Variants in CSTPP1 observed in about 807,000 individuals in gnomAD.
CSTPP1 encodes centriolar satellite-associated tubulin polyglutamylase complex regulator 1.
At chr11:46,993,663 T>G in the CSTPP1 span, among the ~76,000 whole-genome samples, 1 of 152,220 alleles carries the variant, frequency 6.6e-6, no homozygotes, top group African/African-American at 2.4e-5. Context: ...AGTACCATGC[T>G]GTTTTGGTTA....
At chr11:47,048,578 A>T in the CSTPP1 span, among the ~76,000 whole-genome samples, 1 of 152,134 alleles carries the variant, frequency 6.6e-6, no homozygotes, top group South Asian at 2.1e-4. Context: ...ATAGGCCAGA[A>T]CGACAGATAT....
At chr11:47,161,865 T>A in the CSTPP1 span, 2 of 1,333,058 alleles carry the variant, frequency 1.5e-6, no homozygotes, top group Non-Finnish European at 1.9e-6. Flanking sequence ...GAACTTCACT[T>A]AGGCCCCAAG....
the CSTPP1 span, among the ~76,000 whole-genome samples, chr11:47,059,500 C>G: frequency 2.6e-5 from 4 of 152,104 alleles, no homozygotes; most frequent in African/African-American, 9.6e-5. Flanking sequence ...TATAAAGGTG[C>G]AAAGACAGTT....
At chr11:47,069,200 A>G in the CSTPP1 span, among the ~76,000 whole-genome samples, 1 of 152,140 alleles carries the variant, frequency 6.6e-6, no homozygotes, top group Non-Finnish European at 1.5e-5. Context: ...ATCTACTTCA[A>G]CCCTTCCCCA....
At chr11:47,082,266 C>A in the CSTPP1 span, among the ~76,000 whole-genome samples, 1 of 150,404 alleles carries the variant, frequency 6.6e-6, no homozygotes, top group East Asian at 1.9e-4. Flanking sequence ...TAAAAAAAAA[C>A]CTGGAAGCCA....
At chr11:47,068,017 A>C in the CSTPP1 span, among the ~76,000 whole-genome samples, 1 of 151,924 alleles carries the variant, frequency 6.6e-6, no homozygotes, top group East Asian at 1.9e-4. Context: ...AATGGTAATT[A>C]CTTTTTTTTT....
the CSTPP1 span, among the ~76,000 whole-genome samples, chr11:47,150,807 G>A: frequency 6.6e-6 from 1 of 151,836 alleles, no homozygotes; most frequent in Non-Finnish European, 1.5e-5. Context: ...AGGGAGGCAG[G>A]GGGCAGATGG....
chr11:46,982,790 G>A, the CSTPP1 span, among the ~76,000 whole-genome samples: 1 of 152,142 alleles, frequency 6.6e-6, no homozygotes, highest in Non-Finnish European at 1.5e-5. Context: ...TTGATGAGCA[G>A]AACTTTCAAT....
At chr11:47,095,749 T>C in the CSTPP1 span, among the ~76,000 whole-genome samples, 1 of 152,346 alleles carries the variant, frequency 6.6e-6, no homozygotes, top group Non-Finnish European at 1.5e-5. Flanking sequence ...TTGCCTATTT[T>C]ATTTATTGCA....
chr11:47,009,140 C>T, the CSTPP1 span, among the ~76,000 whole-genome samples: 1 of 152,014 alleles, frequency 6.6e-6, no homozygotes, highest in Non-Finnish European at 1.5e-5. Context: ...ACTAAATGCT[C>T]AGCTCACCTT....
the CSTPP1 span, chr11:47,160,816 GAA>G: frequency 2.5e-6 from 1 of 406,822 alleles, no homozygotes; most frequent in Non-Finnish European, 4.5e-6. Flanking sequence ...GAGGCCTCAA[GAA>G]GGAACTCAAC....
the CSTPP1 span, among the ~76,000 whole-genome samples, chr11:47,148,964 G>C: frequency 8.5e-5 from 13 of 152,298 alleles, no homozygotes; most frequent in Admixed American, 5.9e-4. Flanking sequence ...GGGTGAATAG[G>C]AAGTTGGCAA....
the CSTPP1 span, among the ~76,000 whole-genome samples, chr11:46,969,191 T>A: frequency 6.6e-6 from 1 of 152,210 alleles, no homozygotes; most frequent in South Asian, 2.1e-4. Flanking sequence ...ACAGTGGGGT[T>A]TTTTTTCTTT....
At chr11:46,956,179 G>C in the CSTPP1 span, among the ~76,000 whole-genome samples, 1 of 152,108 alleles carries the variant, frequency 6.6e-6, no homozygotes, top group African/African-American at 2.4e-5. Flanking sequence ...ACAGAAAAGA[G>C]GGCAGGGTAG....
chr11:47,153,643 A>T, the CSTPP1 span, among the ~76,000 whole-genome samples: 1 of 152,214 alleles, frequency 6.6e-6, no homozygotes, highest in Non-Finnish European at 1.5e-5. Flanking sequence ...GTGGGATAAA[A>T]TTTAACGAAT....
the CSTPP1 span, among the ~76,000 whole-genome samples, chr11:46,938,701 G>A: frequency 6.6e-6 from 1 of 150,410 alleles, no homozygotes; most frequent in African/African-American, 2.4e-5. Flanking sequence ...TCTGTGGCAT[G>A]ATAACTCATT....
the CSTPP1 span, among the ~76,000 whole-genome samples, chr11:47,101,539 G>A: frequency 6.6e-6 from 1 of 151,282 alleles, no homozygotes; most frequent in African/African-American, 2.4e-5. Flanking sequence ...ATCTTCTCAG[G>A]AGCATATCAT....
At chr11:47,066,909 T>G in the CSTPP1 span, among the ~76,000 whole-genome samples, 1 of 152,210 alleles carries the variant, frequency 6.6e-6, no homozygotes, top group African/African-American at 2.4e-5. Context: ...GTAGGGTCTT[T>G]ATTTAGAAGT....
At chr11:46,959,703 C>G in the CSTPP1 span, among the ~76,000 whole-genome samples, 1 of 151,996 alleles carries the variant, frequency 6.6e-6, no homozygotes, top group South Asian at 2.1e-4. Context: ...TAAGTTTTAG[C>G]TTTTTTTCTG....
Sources: allele counts gnomAD v4.1 joint callset (sites outside exome capture counted in the v4.1 genomes callset), GRCh38; gene constraint gnomAD v4.1.1; transcripts MANE v1.5; gene names NCBI Gene and HGNC (gene_info 2026-07-23, HGNC 2026-07-21).